RBFOX3: variants seen among roughly 807,000 people sequenced by gnomAD.
The protein encoded by RBFOX3 is RNA binding fox-1 homolog 3, also known as RNA binding protein fox-1 homolog 3.
In RBFOX3, 17 loss-of-function variants were observed where a neutral mutation model predicts 48.7. The ratio of observed to expected loss-of-function variants is 0.35; its 90% CI spans 0.24 to 0.52. The LOEUF is 0.52. Ranked by LOEUF, RBFOX3 falls within the 20% of genes least tolerant of loss-of-function variation. RBFOX3 has a pLI of 0.94. For synonymous variants in RBFOX3, 212 were observed against 209.5 expected (o/e 1.01, Z -0.10); for missense variants, 382 against 497.5 (o/e 0.77, Z 2.21).
At chr17:79,175,813 C>T (rs11867552) in intron 4 of RBFOX3, among the ~76,000 whole-genome samples, 56,783 of 152,178 alleles carry the variant, frequency 0.37, 12,037 homozygotes, top group African/African-American at 0.59. Flanking sequence ...GCGCAGTAGC[C>T]TCTGCAGCCC....
intron 3 of RBFOX3, among the ~76,000 whole-genome samples, chr17:79,286,069 C>T (rs1220651844): frequency 6.6e-6 from 1 of 152,222 alleles, no homozygotes; most frequent in Non-Finnish European, 1.5e-5. Flanking sequence ...GACCATTCCA[C>T]TCAGATCAGC....
intron 3 of RBFOX3, among the ~76,000 whole-genome samples, chr17:79,304,786 T>C (rs1247561282): frequency 6.6e-6 from 1 of 152,174 alleles, no homozygotes; most frequent in African/African-American, 2.4e-5. Context: ...CCTCTGTTCT[T>C]GGTTCCAACT....
chr17:79,524,113 C>T (rs1373777667), intron 1 of RBFOX3, among the ~76,000 whole-genome samples: 2 of 152,170 alleles, frequency 1.3e-5, no homozygotes, highest in East Asian at 3.9e-4. Flanking sequence ...GATTGAGGAC[C>T]TTTGAGTTTT....
rs916260751 is a variant in RBFOX3 at position 79,392,568 on chromosome 17, C to G, written c.-174-84744G>C. ...CACCCACTTAAGTTAGGCACCATCC[C>G]GTGACTTGCTTTGCCCAACAAAATG... On this transcript the variant is annotated intron_variant, in intron 2 of 14. Coordinates refer to ENST00000693108, the MANE Select transcript of RBFOX3 (RefSeq NM_001350451.2). This position sits in a 1 kb window ranked among gnomAD's most constrained non-coding sequence, Gnocchi z 5.0. 1.3e-5 allele frequency among the ~76,000 whole-genome samples: 2 copies of G among 152,272 alleles called. No individual in the cohort carries two copies. Among genetic ancestry groups the G allele is most frequent in the Admixed American group, 1.3e-4 (2 of 15,300 alleles).
intron 1 of RBFOX3, chr17:79,508,975 A>C (rs1252197856): frequency 2.6e-5 from 4 of 152,324 alleles, no homozygotes; most frequent in Non-Finnish European, 5.9e-5. Flanking sequence ...CCTCACCTGC[A>C]GGTCAGAAAC....
At chr17:79,427,933 C>T (rs919084889) in intron 2 of RBFOX3, among the ~76,000 whole-genome samples, 1 of 152,244 alleles carries the variant, frequency 6.6e-6, no homozygotes, top group African/African-American at 2.4e-5. Context: ...GACTGGGCCC[C>T]GTGCTCCCAG....
chr17:79,404,817 C>T (rs1203954542), intron 2 of RBFOX3, among the ~76,000 whole-genome samples: 3 of 152,228 alleles, frequency 2.0e-5, no homozygotes, highest in Non-Finnish European at 4.4e-5. Context: ...CCTTCCTACC[C>T]CACACCAAGT....
intron 2 of RBFOX3, among the ~76,000 whole-genome samples, chr17:79,403,801 TGAGATGGAGTC>T (rs2063153384): frequency 7.4e-6 from 1 of 135,536 alleles, no homozygotes; most frequent in Non-Finnish European, 1.6e-5. Context: ...TTTTTTTTTT[TGAGATGGAGTC>T]TTGCTCTGTC....
intron 4 of RBFOX3, among the ~76,000 whole-genome samples, chr17:79,152,793 G>C (rs1401713797): frequency 6.6e-6 from 1 of 152,238 alleles, no homozygotes; most frequent in Non-Finnish European, 1.5e-5. Flanking sequence ...GAGAGGCAGA[G>C]TGGCTTGGGC....
At chr17:79,620,796 C>G in the RBFOX3 span, among the ~76,000 whole-genome samples, 1 of 152,184 alleles carries the variant, frequency 6.6e-6, no homozygotes, top group Non-Finnish European at 1.5e-5. Context: ...GGTCCCAGAA[C>G]CTGGCTCCAC....
chr17:79,631,961 G>A, the RBFOX3 span, among the ~76,000 whole-genome samples: 3 of 152,214 alleles, frequency 2.0e-5, no homozygotes, highest in African/African-American at 7.2e-5. Context: ...ACGGACAGCA[G>A]AGCTCCGTGT....
intron 2 of RBFOX3, among the ~76,000 whole-genome samples, chr17:79,388,278 G>A (rs1259524410): frequency 6.6e-6 from 1 of 152,200 alleles, no homozygotes; most frequent in Admixed American, 6.5e-5. Flanking sequence ...CAGGCCAGAA[G>A]AGCTTGAGAG....
the RBFOX3 span, among the ~76,000 whole-genome samples, chr17:79,620,164 T>TAC: frequency 2.3e-4 from 2 of 8,852 alleles, no homozygotes; most frequent in Non-Finnish European, 3.3e-3. Flanking sequence ...CGCGCGGACA[T>TAC]GCACACACAT....
rs2147373418 is a variant in RBFOX3, at chr17:79,364,461, G to T, written c.-174-56637C>A. Among the ~76,000 whole-genome samples the T allele has an allele frequency of 6.6e-6, 1 of 152,188 alleles. No individual in the cohort carries two copies. Among genetic ancestry groups the T allele is most frequent in the East Asian group, 1.9e-4 (1 of 5,204 alleles). ...GGAAAGAGATGCTCTCTGCAGCTGG[G>T]GACAGTGCTGCTCTCCCAGGCCAAG... On this transcript the variant is annotated intron_variant, in intron 2 of 14. Coordinates refer to ENST00000693108, the MANE Select transcript of RBFOX3 (RefSeq NM_001350451.2). This position sits in a 1 kb window ranked among gnomAD's most constrained non-coding sequence, Gnocchi z 5.1.
rs2066767840 is a variant in RBFOX3 at position 79,423,304 on chromosome 17, A to G, written c.-175+59150T>C. Among the ~76,000 whole-genome samples the G allele has an allele frequency of 6.6e-6, 1 of 152,086 alleles. No individual in the cohort carries two copies. The highest frequency in any genetic ancestry group is 2.4e-5 in the African/African-American group (1 of 41,412). The stretch of plus-strand genomic sequence containing the variant: ...CCTTGACCGTCCTCGCCACGCCCCC[A>G]TCGACCAGGATGCCAGGAGCCAGGA... On this transcript the variant is annotated intron_variant, in intron 2 of 14. Transcript: ENST00000693108. This position sits in a 1 kb window ranked among gnomAD's most constrained non-coding sequence, Gnocchi z 4.9.
intron 4 of RBFOX3, among the ~76,000 whole-genome samples, chr17:79,121,539 T>G (rs1425261546): frequency 6.6e-6 from 1 of 152,068 alleles, no homozygotes; most frequent in Non-Finnish European, 1.5e-5. Flanking sequence ...TTTGTCAAGG[T>G]TTTTACATCC....
chr17:79,190,736 G>A (rs1482084661), intron 4 of RBFOX3, among the ~76,000 whole-genome samples: 1 of 152,158 alleles, frequency 6.6e-6, no homozygotes, highest in East Asian at 1.9e-4. Context: ...GAGTGACAAG[G>A]GGGAGCTTAG....
chr17:79,478,563 C>A (rs1033433612), intron 2 of RBFOX3, among the ~76,000 whole-genome samples: 1 of 152,228 alleles, frequency 6.6e-6, no homozygotes, highest in Admixed American at 6.5e-5. Flanking sequence ...AAGAGACAAC[C>A]GGCCACATTC....
chr17:79,371,644 GT>G (rs2058554389), intron 2 of RBFOX3, among the ~76,000 whole-genome samples: 1 of 152,186 alleles, frequency 6.6e-6, no homozygotes, highest in Non-Finnish European at 1.5e-5. Context: ...ACCAAATGTG[GT>G]GGGGGGACAC....
Sources: allele counts gnomAD v4.1 joint callset (sites outside exome capture counted in the v4.1 genomes callset), GRCh38; gene constraint gnomAD v4.1.1; non-coding constraint Gnocchi (gnomAD v3.1); transcripts MANE v1.5; gene names NCBI Gene and HGNC (gene_info 2026-07-23, HGNC 2026-07-21).